The following PAQR3 variants were observed in gnomAD, a reference collection of about 807,000 sequenced individuals.
PAQR3 encodes Raf kinase trapping to Golgi.
PAQR3 carries 39 observed loss-of-function variants against 41.7 expected under a neutral mutation model. That is an observed-to-expected ratio of 0.93 (90% CI 0.72 to 1.22). PAQR3 has a LOEUF of 1.22. PAQR3 is among the 50% of genes most tolerant of loss of function. The pLI, the probability that PAQR3 is intolerant of heterozygous loss-of-function variation, is 0.00. For synonymous variants in PAQR3, 140 were observed against 140.6 expected (o/e 1.00, Z 0.03); for missense variants, 366 against 385.6 (o/e 0.95, Z 0.42).
chr4:78,931,194 AAAAAAAAAAAAAAAAAAAT>A (rs1179218633), intron 2 of PAQR3, among the ~76,000 whole-genome samples: 1 of 149,528 alleles, frequency 6.7e-6, no homozygotes, highest in East Asian at 1.9e-4. Flanking sequence ...TTAAAAAAAA[AAAAAAAAAAAAAAAAAAAT>A]TGGGCATGGC....
intron 11 of PAQR3, among the ~76,000 whole-genome samples, chr4:78,899,924 A>C (rs1021983860): frequency 1.3e-5 from 2 of 152,190 alleles, no homozygotes; most frequent in African/African-American, 2.4e-5. Flanking sequence ...TTAAGGGAAG[A>C]ATTTAGATTT....
Position 78,913,357 on chromosome 4 carries a change from T to G in PAQR3, c.*7182A>C, listed in dbSNP as rs1202639063. ...TTGCCTTTTTTTACACCACAAATCC[T>G]AATTAGAAACTTGAGGTTTTATAGA... On this transcript the variant is annotated 3_prime_UTR_variant, in exon 6 of 6. Transcript: ENST00000512733. The G allele has an allele frequency of 1.3e-5, 2 of 152,188 alleles. No individual in the cohort carries two copies. Among genetic ancestry groups the G allele is most frequent in the Non-Finnish European group, 2.9e-5 (2 of 68,000 alleles). 9.4% of individuals were successfully genotyped at this position (152,188 alleles called of 1,614,324 possible).
chr4:78,930,802 T>C (rs1736781467), intron 2 of PAQR3, among the ~76,000 whole-genome samples: 1 of 151,988 alleles, frequency 6.6e-6, no homozygotes, highest in Non-Finnish European at 1.5e-5. Flanking sequence ...AGTGATAACA[T>C]TTTTTATGTG....
rs1735521230 is a variant in PAQR3 at position 78,920,284 on chromosome 4, G to T, written c.*255C>A. 2 of 1,136,292 alleles carry T rather than the reference G, an allele frequency of 1.8e-6. No individual in the cohort carries two copies. Among genetic ancestry groups the T allele is most frequent in the Non-Finnish European group, 2.2e-6 (2 of 927,304 alleles). The allele number at this position is 1,136,292 out of a possible 1,614,324, so 70.4% of individuals were successfully genotyped here. A position where few individuals can be genotyped will look rare whatever the true frequency, so the allele number is the denominator to read the frequency against. On this transcript the variant is annotated 3_prime_UTR_variant, in exon 6 of 6. Transcript: ENST00000512733. ...CAACACTAGTTTCCCATTCATCGTT[G>T]TTATTCAGATGTTTCTTATGATTGC... is the stretch of plus-strand genomic sequence containing the variant.
downstream of PAQR3, chr4:78,910,493 T>G: frequency 1.2e-6 from 1 of 862,986 alleles, no homozygotes; most frequent in African/African-American, 1.7e-5. Context: ...TATTTTTTCC[T>G]CTAAGGGAAC....
chr4:78,918,606 AAACAC>A lies in PAQR3; in HGVS notation c.*1928_*1932del, dbSNP rs1735326984. ...TAAATTCAAAGAAACACGGATTTAA[AAACAC>A]AGTATACTCTTTTCATGTTATTAAT... On this transcript the variant is annotated 3_prime_UTR_variant, in exon 6 of 6. Transcript: ENST00000512733. The A allele has an allele frequency of 1.0e-6, 1 of 966,426 alleles. No homozygotes were observed. The highest frequency in any genetic ancestry group is 1.2e-6 in the Non-Finnish European group (1 of 812,488). 59.9% of individuals were successfully genotyped at this position (966,426 alleles called of 1,614,324 possible). A position where few individuals can be genotyped will look rare whatever the true frequency, so the allele number is the denominator to read the frequency against.
intron 3 of PAQR3, among the ~76,000 whole-genome samples, 159 bp downstream of exon 3, chr4:78,930,011 T>C (rs1388227570): frequency 6.6e-6 from 1 of 152,188 alleles, no homozygotes; most frequent in African/African-American, 2.4e-5. Flanking sequence ...ATGTTAGAGA[T>C]GACAGGGCCA....
chr4:78,911,397 T>C (rs755649080), downstream of PAQR3: 8 of 1,614,008 alleles, frequency 5.0e-6, no homozygotes, highest in Middle Eastern at 1.6e-4. Context: ...GTGAAAGCAA[T>C]GAGGACCTTT....
intron 4 of PAQR3, 37 bp downstream of exon 4, chr4:78,926,480 GAAAA>G: frequency 8.9e-7 from 1 of 1,125,850 alleles, no homozygotes; most frequent in South Asian, 1.7e-5. Flanking sequence ...AAATTGAAAG[GAAAA>G]AAAAAAAGAG....
chr4:78,933,383 G>A (rs983485388), intron 2 of PAQR3, among the ~76,000 whole-genome samples: 1 of 152,154 alleles, frequency 6.6e-6, no homozygotes, highest in Admixed American at 6.5e-5. Context: ...TGTTCAGAAT[G>A]TACTCTATTT....
chr4:78,920,572 G>C lies in PAQR3; in HGVS notation c.903C>G (p.Ser301Arg). The C allele has an allele frequency of 6.2e-7, 1 of 1,610,454 alleles. No individual in the cohort carries two copies. Among genetic ancestry groups the C allele is most frequent in the Non-Finnish European group, 8.5e-7 (1 of 1,177,988 alleles). ...GTGAAACATAGTCAGGACAAGGCTT[G>C]CTATGTCTGTACTGCATGACATACA... ...STVYVMQYRH[S>R]KPCPDYVSHL Residue 301 changes from serine to arginine, a missense_variant, in exon 6 of 6, where the codon AGC becomes AGG. Transcript: ENST00000512733.
At chr4:78,938,938 A>G in intron 1 of PAQR3, 102 bp downstream of exon 1, 1 of 1,180,362 alleles carries the variant, frequency 8.5e-7, no homozygotes, top group Non-Finnish European at 1.2e-6. Flanking sequence ...CGGCGAGGAA[A>G]TGATGGGCAA....
intron 10 of PAQR3, among the ~76,000 whole-genome samples, chr4:78,906,426 AT>A (rs1438080488): frequency 6.6e-6 from 1 of 152,136 alleles, no homozygotes; most frequent in Non-Finnish European, 1.5e-5. Flanking sequence ...TGCCCGTACT[AT>A]TTGCAGATGT....
chr4:78,928,659 A>G (rs1560578289), intron 3 of PAQR3, among the ~76,000 whole-genome samples: 1 of 152,226 alleles, frequency 6.6e-6, no homozygotes. Flanking sequence ...AGTGGTCTCC[A>G]GCGTTTCTGG....
At chr4:78,924,713 TTG>T (rs1736015363) in intron 4 of PAQR3, among the ~76,000 whole-genome samples, 1 of 50,306 alleles carries the variant, frequency 2.0e-5, no homozygotes, top group African/African-American at 7.2e-5. Context: ...CTCTCTACAG[TTG>T]TTTTTTTTTT....
chr4:78,911,050 A>G (rs768076479), downstream of PAQR3: 11 of 1,613,762 alleles, frequency 6.8e-6, no homozygotes, highest in African/African-American at 4.0e-5. Context: ...TCTTAATACA[A>G]TACTCCTCAC....
intron 11 of PAQR3, among the ~76,000 whole-genome samples, chr4:78,893,039 A>G (rs749628984): frequency 1.8e-4 from 27 of 152,214 alleles, no homozygotes; most frequent in Non-Finnish European, 3.2e-4. Context: ...TGTACATGCA[A>G]TGCTGTTTGA....
chr4:78,892,010 G>T (rs1205589734), intron 11 of PAQR3, among the ~76,000 whole-genome samples: 1 of 152,108 alleles, frequency 6.6e-6, no homozygotes, highest in Non-Finnish European at 1.5e-5. Context: ...GCTGTTTTCA[G>T]TCTTTAAAAG....
chr4:78,929,122 C>T (rs1228002314), intron 3 of PAQR3, among the ~76,000 whole-genome samples: 1 of 152,214 alleles, frequency 6.6e-6, no homozygotes, highest in Non-Finnish European at 1.5e-5. Context: ...GGCCTGGTTC[C>T]TAACAGGCCA....
Sources: gnomAD v4.1 joint callset for allele counts (sites outside exome capture counted in the v4.1 genomes callset) on GRCh38, gnomAD v4.1.1 for gene constraint, MANE v1.5 for transcripts, NCBI Gene and HGNC (gene_info 2026-07-23, HGNC 2026-07-21) for gene names.